ZFPM2: variants seen among roughly 807,000 people sequenced by gnomAD.
ZFPM2 encodes the protein zinc finger protein ZFPM2.
A neutral mutation model predicts 98.6 loss-of-function variants in ZFPM2; 20 were observed. That is an observed-to-expected ratio of 0.20 (90% CI 0.14 to 0.29). The LOEUF (loss-of-function observed/expected upper bound fraction) is 0.29, where lower values mean the gene tolerates loss of function less well. ZFPM2 is among the 10% of genes least tolerant of loss of function. The pLI is 1.00. For missense variants in ZFPM2, 1,310 were observed against 1,388.6 expected (o/e 0.94, Z 0.90); for synonymous variants, 518 against 502.7 (o/e 1.03, Z -0.41).
chr8:105,401,034 T>C (rs907259746), intron 1 of ZFPM2, among the ~76,000 whole-genome samples: 4 of 152,020 alleles, frequency 2.6e-5, no homozygotes, highest in East Asian at 1.9e-4. Context: ...TTGGGGATTA[T>C]TGGTATCTTG....
intron 3 of ZFPM2, among the ~76,000 whole-genome samples, chr8:105,525,325 A>G (rs1563699445): frequency 6.6e-6 from 1 of 152,218 alleles, no homozygotes. Context: ...TAAGCTTTGG[A>G]GAAAATAAGC....
chr8:105,724,631 A>G (rs1811762175), intron 5 of ZFPM2, among the ~76,000 whole-genome samples: 1 of 151,886 alleles, frequency 6.6e-6, no homozygotes, highest in Non-Finnish European at 1.5e-5. Flanking sequence ...AAGTGGAAAC[A>G]AAATTATTAT....
At chr8:105,391,237 A>G (rs1306151078) in intron 1 of ZFPM2, among the ~76,000 whole-genome samples, 1 of 152,204 alleles carries the variant, frequency 6.6e-6, no homozygotes, top group East Asian at 1.9e-4. Flanking sequence ...CTCACAATGT[A>G]TTGGACTTTC....
intron 5 of ZFPM2, among the ~76,000 whole-genome samples, chr8:105,710,953 T>C (rs1483839561): frequency 6.6e-6 from 1 of 152,082 alleles, no homozygotes; most frequent in Admixed American, 6.6e-5. Flanking sequence ...ATTGTGATGT[T>C]GCTTCATTCT....
intron 3 of ZFPM2, among the ~76,000 whole-genome samples, chr8:105,494,275 A>C (rs771169746): frequency 2.1e-5 from 3 of 143,442 alleles, no homozygotes; most frequent in Non-Finnish European, 4.5e-5. Flanking sequence ...CTTTCCTTCC[A>C]AATCAACTAC....
At chr8:105,592,686 G>C (rs1815876867) in intron 4 of ZFPM2, among the ~76,000 whole-genome samples, 1 of 152,068 alleles carries the variant, frequency 6.6e-6, no homozygotes, top group Non-Finnish European at 1.5e-5. Context: ...TGTCTTGAAG[G>C]ATCCATATCT....
chr8:105,454,080 G>T (rs1036417917), intron 3 of ZFPM2, among the ~76,000 whole-genome samples: 14 of 151,954 alleles, frequency 9.2e-5, no homozygotes, highest in Non-Finnish European at 4.4e-5. Flanking sequence ...TTTCTCTAGG[G>T]TTGGTTTATT....
chr8:105,495,431 AT>A (rs1813447658), intron 3 of ZFPM2, among the ~76,000 whole-genome samples: 1 of 152,196 alleles, frequency 6.6e-6, no homozygotes, highest in Non-Finnish European at 1.5e-5. Context: ...ACAGGAAAGA[AT>A]GAATACATTG....
intron 6 of ZFPM2, among the ~76,000 whole-genome samples, chr8:105,791,547 TTC>T (rs1813611707): frequency 6.6e-6 from 1 of 152,178 alleles, no homozygotes; most frequent in East Asian, 1.9e-4. Context: ...TGGTCTAAAA[TTC>T]TCTTTTTTGG....
At chr8:105,536,667 G>A (rs566058076) in intron 3 of ZFPM2, among the ~76,000 whole-genome samples, 1 of 152,236 alleles carries the variant, frequency 6.6e-6, no homozygotes, top group African/African-American at 2.4e-5. Flanking sequence ...TGTGAATGTT[G>A]AATAAGATAG....
intron 3 of ZFPM2, among the ~76,000 whole-genome samples, chr8:105,475,415 A>G (rs1295278053): frequency 2.0e-5 from 3 of 152,178 alleles, no homozygotes; most frequent in Non-Finnish European, 2.9e-5. Context: ...AATATCATCA[A>G]TCCTAAACAG....
chr8:105,801,159 T>C lies in ZFPM2; in HGVS notation c.1077T>C (p.Thr359=), dbSNP rs1236769097. The C allele has an allele frequency of 1.9e-6, 3 of 1,613,946 alleles. No individual in the cohort carries two copies. The Admixed American group carries it at 5.0e-5, about 27-fold the overall frequency. Residue 359 remains threonine (T), a synonymous_variant, in exon 8 of 8, where the codon ACT becomes ACC. Transcript: ENST00000407775. ...NFHQHLFSHL[T]QAAFRCNHCH... The stretch of plus-strand genomic sequence containing the variant: ...ACCAACACCTGTTCTCCCATCTCAC[T>C]CAAGCTGCCTTCCGATGTAATCACT...
chr8:105,433,680 G>A (rs1398572799), intron 2 of ZFPM2, among the ~76,000 whole-genome samples: 5 of 152,052 alleles, frequency 3.3e-5, no homozygotes, highest in Non-Finnish European at 7.4e-5. Flanking sequence ...CCAGCTACTC[G>A]GGAGGCTGAG....
At chr8:105,652,261 T>G (rs1402064261) in intron 5 of ZFPM2, among the ~76,000 whole-genome samples, 2 of 78,228 alleles carry the variant, frequency 2.6e-5, no homozygotes, top group African/African-American at 1.1e-4. Context: ...AGGCTTTTCA[T>G]TTTACCACTG....
intron 5 of ZFPM2, among the ~76,000 whole-genome samples, chr8:105,647,400 T>C (rs1817068793): frequency 6.6e-6 from 1 of 152,118 alleles, no homozygotes; most frequent in Non-Finnish European, 1.5e-5. Flanking sequence ...TATTATACTT[T>C]AAGTTCGAGG....
intron 5 of ZFPM2, among the ~76,000 whole-genome samples, chr8:105,655,217 T>C (rs746077896): frequency 2.7e-5 from 4 of 150,694 alleles, no homozygotes; most frequent in Non-Finnish European, 5.9e-5. Context: ...TTTTCTTGCA[T>C]TGAGTCTTTT....
intron 2 of ZFPM2, among the ~76,000 whole-genome samples, chr8:105,431,231 T>G (rs1176322551): frequency 6.6e-6 from 1 of 152,058 alleles, no homozygotes; most frequent in Non-Finnish European, 1.5e-5. Flanking sequence ...TATGATGTGG[T>G]CCATGCTAAA....
chr8:105,562,693 A>T (rs1427323977), intron 4 of ZFPM2, among the ~76,000 whole-genome samples: 1 of 151,994 alleles, frequency 6.6e-6, no homozygotes, highest in Non-Finnish European at 1.5e-5. Context: ...TCCACATTCC[A>T]TCTCTGACTC....
intron 5 of ZFPM2, among the ~76,000 whole-genome samples, chr8:105,731,664 A>C (rs879283525): frequency 1.5e-4 from 22 of 151,720 alleles, no homozygotes; most frequent in African/African-American, 5.1e-4. Context: ...AACCTCCAAA[A>C]AATGATGAAT....
Sources: allele counts gnomAD v4.1 joint callset (sites outside exome capture counted in the v4.1 genomes callset), GRCh38; gene constraint gnomAD v4.1.1; transcripts MANE v1.5; gene names NCBI Gene and HGNC (gene_info 2026-07-23, HGNC 2026-07-21).